The following SLC5A9 variants were observed in gnomAD, a reference collection of about 807,000 sequenced individuals.
SLC5A9 encodes the protein sodium/glucose cotransporter 4.
A neutral mutation model predicts 70.9 loss-of-function variants in SLC5A9; 59 were observed. That is an observed-to-expected ratio of 0.83 (90% confidence interval 0.68 to 1.03). The LOEUF (loss-of-function observed/expected upper bound fraction) is 1.03, where lower values mean the gene tolerates loss of function less well. Among genes scored for constraint, SLC5A9 ranks in the 50% least tolerant of loss-of-function variants. The pLI is 0.00. For synonymous variants in SLC5A9, 340 were observed against 346.5 expected, an observed-to-expected ratio of 0.98 and a Z score of 0.21; for missense variants, 832 against 881.1, an observed-to-expected ratio of 0.94 and a Z score of 0.71.
chr1:48,237,554 T>A, intron 10 of SLC5A9, 125 bp from the exon 11 acceptor site: 1 of 891,534 alleles, frequency 1.1e-6, no homozygotes, highest in Non-Finnish European at 1.7e-6. Flanking sequence ...GCTGCCAACC[T>A]TCTCTGATCT....
In SLC5A9 at chr1:48,239,602, C is replaced by T; in HGVS notation, c.1677+65C>T. On this transcript the variant is annotated intron_variant, in intron 12 of 13. Transcript: ENST00000438567. This position sits in a 1 kb window ranked among gnomAD's most constrained non-coding sequence, Gnocchi z 4.2. ...CTCCCTTCCCCCATAGCCTAGAATTCCACTGCTGACTTTTACTCTGTTGGG... is the reference window on the plus strand; with the variant it reads ...CTCCCTTCCCCCATAGCCTAGAATTTCACTGCTGACTTTTACTCTGTTGGG... The T allele has an allele frequency of 2.1e-6, 3 of 1,460,354 alleles. No individual in the cohort carries two copies. The allele number at this position is 1,460,354 out of a possible 1,614,324, so 90.5% of individuals were successfully genotyped here.
chr1:48,236,614 C>T (rs1644331168), intron 10 of SLC5A9, among the ~76,000 whole-genome samples: 1 of 152,182 alleles, frequency 6.6e-6, no homozygotes, highest in Non-Finnish European at 1.5e-5. Context: ...GCTTCATAAT[C>T]GAAGGTTCCC....
chr1:48,224,631 C>T lies in SLC5A9; in HGVS notation c.163-93C>T. The T allele has an allele frequency of 2.3e-6, 3 of 1,277,094 alleles. No homozygotes were observed. In the Admixed American group the frequency reaches 5.1e-5, roughly 22 times the overall value. The allele number at this position is 1,277,094 out of a possible 1,614,324, so 79.1% of individuals were successfully genotyped here. A position where few individuals can be genotyped will look rare whatever the true frequency, so the allele number is the denominator to read the frequency against. On this transcript the variant is annotated intron_variant, in intron 1 of 13. Transcript: ENST00000438567. ...TTTCACCCTCTGTGTCCCCACAGTG[C>T]CTGCACCGAGGGGAAGGAAATCTGC...
At chr1:48,246,773 T>C (rs984828177) in intron 13 of SLC5A9, among the ~76,000 whole-genome samples, 4 of 152,294 alleles carry the variant, frequency 2.6e-5, no homozygotes, top group East Asian at 1.9e-4. Context: ...TGGAGAAGAA[T>C]GGGGCATATG....
chr1:48,229,645 A>C, intron 4 of SLC5A9, 186 bp downstream of exon 4: 1 of 876,058 alleles, frequency 1.1e-6, no homozygotes, highest in Non-Finnish European at 1.7e-6. Context: ...TGAATGATAA[A>C]TGTTTTTGGA....
intron 8 of SLC5A9, among the ~76,000 whole-genome samples, chr1:48,232,955 AAAG>A (rs969028708): frequency 8.3e-5 from 12 of 143,920 alleles, no homozygotes; most frequent in Admixed American, 2.1e-4. Flanking sequence ...AAGAAGAAAA[AAAG>A]GAGGAGGAGG....
chr1:48,229,066 CGAGAATCCATTTCACAATT>C (rs752507273), intron 3 of SLC5A9, 112 bp downstream of exon 3: 6 of 1,613,932 alleles, frequency 3.7e-6, no homozygotes, highest in East Asian at 2.2e-5. Flanking sequence ...CATGGTGAAT[CGAGAATCCATTTCACAATT>C]GAGAATCCAT....
At chr1:48,241,860 A>G in intron 12 of SLC5A9, 1 of 452,996 alleles carries the variant, frequency 2.2e-6, no homozygotes, top group South Asian at 1.6e-5. Flanking sequence ...CCCTGGAGCC[A>G]TATTAGCCTC....
At chr1:48,240,047 A>G (rs1644374707) in intron 12 of SLC5A9, among the ~76,000 whole-genome samples, 1 of 152,226 alleles carries the variant, frequency 6.6e-6, no homozygotes, top group Non-Finnish European at 1.5e-5. Context: ...ACTCAAATTG[A>G]AATCCTCCCC....
rs764479667 is a variant in SLC5A9 at position 48,242,535 on chromosome 1, A to G, written c.1756A>G (p.Ile586Val). 6.2e-7 allele frequency: 1 copy of G among 1,613,798 alleles called. No homozygotes were observed. Among genetic ancestry groups the G allele is most frequent in the Admixed American group, 1.7e-5 (1 of 60,006 alleles). ...GGAGGCCCACGAGAGCACACCGGAG[A>G]TATCCGAGAGGCCAGCCGGGGAGTG... ...EKEAHESTPE[I>V]SERPAGECPA... The change falls in exon 13 of 14, where the codon ATA becomes GTA. Residue 586 changes from isoleucine to valine, a missense_variant. Ile to Val is a conservative substitution (Grantham distance 29). Coordinates refer to ENST00000438567, the MANE Select transcript of SLC5A9 (RefSeq NM_001011547.3).
chr1:48,233,617 G>C, intron 8 of SLC5A9, 38 bp from the exon 9 acceptor site: 1 of 1,538,806 alleles, frequency 6.5e-7, no homozygotes, highest in Non-Finnish European at 9.0e-7. Context: ...GAGAAGGCAC[G>C]AGATCACGGA....
intron 1 of SLC5A9, among the ~76,000 whole-genome samples, chr1:48,223,768 T>G (rs1644104447): frequency 6.6e-6 from 1 of 152,088 alleles, no homozygotes; most frequent in South Asian, 2.1e-4. Context: ...TGCCTTCTAG[T>G]GCTGGTGTGA....
chr1:48,224,880 T>C (rs1644122533), intron 2 of SLC5A9, 85 bp downstream of exon 2: 1 of 1,340,168 alleles, frequency 7.5e-7, no homozygotes, highest in African/African-American at 1.4e-5. Context: ...TCCCATCTTC[T>C]CACACCTGGA....
intron 13 of SLC5A9, among the ~76,000 whole-genome samples, chr1:48,245,287 T>C (rs1379188134): frequency 2.6e-5 from 4 of 151,966 alleles, no homozygotes; most frequent in African/African-American, 9.7e-5. Flanking sequence ...GCTTGTACTT[T>C]CCCACGGCTG....
intron 10 of SLC5A9, 39 bp from the exon 11 acceptor site, chr1:48,237,640 A>G (rs773506313): frequency 6.2e-7 from 1 of 1,603,280 alleles, no homozygotes; most frequent in South Asian, 1.1e-5. Context: ...CACCATGCCC[A>G]CCCGAGTGTG....
At chr1:48,244,911 A>ATATATATATATAG (rs1557486574) in intron 13 of SLC5A9, among the ~76,000 whole-genome samples, 7 of 23,370 alleles carry the variant, frequency 3.0e-4, no homozygotes, top group Non-Finnish European at 3.7e-4. Flanking sequence ...TATATATATA[A>ATATATATATATAG]AACCTCTGTC....
chr1:48,237,859 G>T lies in SLC5A9; in HGVS notation c.1461+12G>T. On this transcript the variant is annotated intron_variant, in intron 11 of 13. Coordinates refer to ENST00000438567, the MANE Select transcript of SLC5A9 (RefSeq NM_001011547.3). Reference sequence around the variant, plus strand: ...GGGTCACAGAGCCCGTGAGTGCAGTGTACCTGTCTCTCACATACAGCAGAG... The same window carrying T: ...GGGTCACAGAGCCCGTGAGTGCAGTTTACCTGTCTCTCACATACAGCAGAG... 1 of 1,613,656 alleles carries T rather than the reference G, an allele frequency of 6.2e-7. No homozygotes were observed. Among genetic ancestry groups the T allele is most frequent in the African/African-American group, 1.3e-5 (1 of 75,028 alleles).
chr1:48,231,322 CAGAA>C (rs1644243968), intron 5 of SLC5A9, among the ~76,000 whole-genome samples: 1 of 152,218 alleles, frequency 6.6e-6, no homozygotes, highest in Admixed American at 6.5e-5. Flanking sequence ...GCTGTCAAGA[CAGAA>C]AGAAGGGGCC....
chr1:48,239,272 G>A lies in SLC5A9; in HGVS notation c.1462-50G>A, dbSNP rs752583018. ...GGGAGAGAGTAGTTTTACCTTCCTA[G>A]GGTCTCCCACCTGGATCTCACCTCA... On this transcript the variant is annotated intron_variant, in intron 11 of 13. Transcript: ENST00000438567. The surrounding 1 kb of genome is among the most constrained non-coding windows in gnomAD (Gnocchi z 4.2). The A allele has an allele frequency of 7.9e-6, 11 of 1,388,800 alleles. No individual in the cohort carries two copies. The East Asian group carries it at 2.5e-4, about 32-fold the overall frequency. 86.0% of individuals were successfully genotyped at this position (1,388,800 alleles called of 1,614,324 possible).
Sources: gnomAD v4.1 joint callset for allele counts (sites outside exome capture counted in the v4.1 genomes callset) on GRCh38, gnomAD v4.1.1 for gene constraint, Gnocchi (gnomAD v3.1) non-coding constraint, MANE v1.5 for transcripts, NCBI Gene and HGNC (gene_info 2026-07-23, HGNC 2026-07-21) for gene names.